Variants in MAGI2 observed in about 807,000 individuals in gnomAD.
The protein encoded by MAGI2 is membrane-associated guanylate kinase, WW and PDZ domain-containing protein 2.
MAGI2 carries 35 observed loss-of-function variants against 133.3 expected under a neutral mutation model. The ratio of observed to expected loss-of-function variants is 0.26; its 90% CI spans 0.20 to 0.35. The LOEUF is 0.35. Among genes scored for constraint, MAGI2 ranks in the 10% least tolerant of loss-of-function variants. The probability of loss-of-function intolerance (pLI) is 1.00; values close to 1 mark genes in which losing one functional copy is unlikely to be tolerated. For missense variants in MAGI2, 1,636 were observed against 1,863.4 expected, an observed-to-expected ratio of 0.88 and a Z score of 2.25; for synonymous variants, 729 against 710.6, an observed-to-expected ratio of 1.03 and a Z score of -0.41.
intron 3 of MAGI2, among the ~76,000 whole-genome samples, chr7:78,592,544 T>C (rs1411038029): frequency 6.6e-6 from 1 of 151,994 alleles, no homozygotes; most frequent in African/African-American, 2.4e-5. Flanking sequence ...TGATGGAGCA[T>C]TTGAAAGAAA....
intron 6 of MAGI2, among the ~76,000 whole-genome samples, chr7:78,482,636 G>T (rs1358988478): frequency 6.6e-6 from 1 of 151,768 alleles, no homozygotes; most frequent in East Asian, 1.9e-4. Context: ...TATTTTGAGT[G>T]GAAAGTCAAT....
chr7:78,865,668 T>G (rs1794496477), intron 2 of MAGI2, among the ~76,000 whole-genome samples: 2 of 152,168 alleles, frequency 1.3e-5, no homozygotes, highest in Non-Finnish European at 2.9e-5. Flanking sequence ...CAAAGCAAAG[T>G]GCTCTAATTG....
At chr7:78,133,515 A>T (rs1446935185) in intron 17 of MAGI2, among the ~76,000 whole-genome samples, 2 of 152,164 alleles carry the variant, frequency 1.3e-5, no homozygotes, top group Non-Finnish European at 2.9e-5. Context: ...TCTTTTCCTC[A>T]TCCCTTGTCA....
At chr7:78,314,697 T>A (rs528856764) in intron 9 of MAGI2, among the ~76,000 whole-genome samples, 1 of 152,346 alleles carries the variant, frequency 6.6e-6, no homozygotes, top group Non-Finnish European at 1.5e-5. Flanking sequence ...CATTCTTTGC[T>A]CAATTATAAT....
chr7:78,112,075 G>T (rs1819417976), intron 20 of MAGI2, among the ~76,000 whole-genome samples: 1 of 152,010 alleles, frequency 6.6e-6, no homozygotes, highest in Admixed American at 6.6e-5. Flanking sequence ...TAGGTCATTT[G>T]TCTGCATTGA....
At chr7:79,342,984 G>A (rs1339466767) in intron 1 of MAGI2, among the ~76,000 whole-genome samples, 1 of 151,828 alleles carries the variant, frequency 6.6e-6, no homozygotes, top group Non-Finnish European at 1.5e-5. Context: ...GGCTAGTCTC[G>A]AACTCCTGAC....
At chr7:78,888,017 G>A (rs898534152) in intron 2 of MAGI2, among the ~76,000 whole-genome samples, 2 of 152,096 alleles carry the variant, frequency 1.3e-5, no homozygotes, top group African/African-American at 4.8e-5. Context: ...TGGAAAATTG[G>A]GTCACTCTCA....
chr7:78,399,573 G>A (rs1211876525), intron 6 of MAGI2, among the ~76,000 whole-genome samples: 1 of 152,134 alleles, frequency 6.6e-6, no homozygotes, highest in Non-Finnish European at 1.5e-5. Context: ...GGGAAGCTGA[G>A]GTGGGTGGAT....
At chr7:78,329,316 G>A (rs1348394126) in intron 9 of MAGI2, among the ~76,000 whole-genome samples, 2 of 152,158 alleles carry the variant, frequency 1.3e-5, no homozygotes, top group African/African-American at 4.8e-5. Context: ...GGTCTGCATG[G>A]TAATTTATCT....
intron 2 of MAGI2, among the ~76,000 whole-genome samples, chr7:78,736,016 G>T (rs1821815316): frequency 6.6e-6 from 1 of 152,088 alleles, no homozygotes; most frequent in Non-Finnish European, 1.5e-5. Flanking sequence ...ACACATTTTT[G>T]AGTCAAGATG....
chr7:79,138,255 C>T (rs1391548095), intron 1 of MAGI2, among the ~76,000 whole-genome samples: 1 of 152,070 alleles, frequency 6.6e-6, no homozygotes, highest in Non-Finnish European at 1.5e-5. Context: ...ACAGACCAGG[C>T]TCAAGAACTC....
chr7:78,208,664 A>C lies in MAGI2; in HGVS notation c.2048-7471T>G, dbSNP rs1787375081. Reference sequence around the variant, plus strand: ...GCAAATGGAAAAATCCAGTTCTGACATTTTTTAAAAAATGGTGAATGTATA... The same window carrying C: ...GCAAATGGAAAAATCCAGTTCTGACCTTTTTTAAAAAATGGTGAATGTATA... On this transcript the variant is annotated intron_variant, in intron 10 of 21. Coordinates refer to ENST00000354212, the MANE Select transcript of MAGI2 (RefSeq NM_012301.4). 3.4e-5 allele frequency among the ~76,000 whole-genome samples: 5 copies of C among 148,090 alleles called. No homozygotes were observed. In the Admixed American group the frequency reaches 3.4e-4, roughly 10 times the overall value.
chr7:78,404,295 C>T (rs1179782109), intron 6 of MAGI2, among the ~76,000 whole-genome samples: 5 of 152,138 alleles, frequency 3.3e-5, no homozygotes, highest in African/African-American at 2.4e-5. Flanking sequence ...CAATTACTTT[C>T]CTCACAGAAT....
intron 10 of MAGI2, among the ~76,000 whole-genome samples, chr7:78,242,994 C>T (rs1046537730): frequency 6.6e-6 from 1 of 151,960 alleles, no homozygotes; most frequent in Non-Finnish European, 1.5e-5. Flanking sequence ...ATCGCTTGAG[C>T]CCAGGAGGTC....
chr7:78,087,473 T>C, intron 20 of MAGI2, among the ~76,000 whole-genome samples: 1 of 151,078 alleles, frequency 6.6e-6, no homozygotes, highest in East Asian at 1.9e-4. Flanking sequence ...CAATAGATCA[T>C]TATAATTATC....
At chr7:79,435,039 G>C (rs1162935251) in intron 1 of MAGI2, among the ~76,000 whole-genome samples, 1 of 152,110 alleles carries the variant, frequency 6.6e-6, no homozygotes, top group Admixed American at 6.5e-5. Flanking sequence ...AAGCTTCCTG[G>C]CCTTTGGACT....
intron 4 of MAGI2, among the ~76,000 whole-genome samples, chr7:78,506,418 T>A (rs1167279117): frequency 6.6e-6 from 1 of 152,136 alleles, no homozygotes; most frequent in Non-Finnish European, 1.5e-5. Context: ...TATGGCTAGA[T>A]GGTACTATAA....
chr7:78,025,453 CTTGT>C (rs1808822584), intron 21 of MAGI2, among the ~76,000 whole-genome samples: 1 of 152,132 alleles, frequency 6.6e-6, no homozygotes, highest in Non-Finnish European at 1.5e-5. Context: ...CCACATTGGC[CTTGT>C]TTATCACAGT....
intron 2 of MAGI2, among the ~76,000 whole-genome samples, chr7:78,850,310 A>T (rs1403806999): frequency 1.3e-5 from 2 of 152,140 alleles, no homozygotes; most frequent in Non-Finnish European, 2.9e-5. Flanking sequence ...ATGTTTTTAA[A>T]CTGCTGCTGT....
Sources: gnomAD v4.1 joint callset for allele counts (sites outside exome capture counted in the v4.1 genomes callset) on GRCh38, gnomAD v4.1.1 for gene constraint, MANE v1.5 for transcripts, NCBI Gene and HGNC (gene_info 2026-07-23, HGNC 2026-07-21) for gene names.